MBD1: variants seen among roughly 807,000 people sequenced by gnomAD.
The protein encoded by MBD1 is methyl-CpG-binding domain protein 1.
In MBD1, 25 loss-of-function variants were observed where a neutral mutation model predicts 82.6. The ratio of observed to expected loss-of-function variants is 0.30; its 90% confidence interval spans 0.22 to 0.42. MBD1 has a LOEUF of 0.42. MBD1 is among the 10% of genes least tolerant of loss of function. The pLI is 1.00. For synonymous variants in MBD1, 301 were observed against 303.7 expected, an observed-to-expected ratio of 0.99 and a Z score of 0.09; for missense variants, 627 against 819.6, an observed-to-expected ratio of 0.76 and a Z score of 2.87.
At chr18:50,276,608 T>C (rs1253489922) in intron 5 of MBD1, 54 bp downstream of exon 5, 3 of 1,582,886 alleles carry the variant, frequency 1.9e-6, no homozygotes, top group Non-Finnish European at 2.6e-6. Flanking sequence ...AGCATGACAC[T>C]GGACCTGCTC....
downstream of MBD1, chr18:50,267,759 C>T (rs942457961): frequency 2.1e-4 from 161 of 776,784 alleles, no homozygotes; most frequent in Admixed American, 6.0e-5. Context: ...TCAGTACCTA[C>T]GTCAAACTGA....
rs1425965352 is a variant in MBD1 at position 50,281,494 on chromosome 18, C to T, written c.-157G>A. ...GCGGCCGCCTCCTCTGAAGCGGTAG[C>T]TGTCGCCTCCGCGGCTGTTCGTTGC... On this transcript the variant is annotated 5_prime_UTR_variant, in exon 1 of 17. Coordinates refer to ENST00000269468, the MANE Select transcript of MBD1 (RefSeq NM_015846.4). 1.7e-6 allele frequency: 1 copy of T among 583,642 alleles called. No homozygotes were observed. Among genetic ancestry groups the T allele is most frequent in the African/African-American group, 1.9e-5 (1 of 53,566 alleles). 36.2% of individuals were successfully genotyped at this position (583,642 alleles called of 1,614,324 possible).
intron 16 of MBD1, chr18:50,271,257 GGGA>G (rs1163681260): frequency 3.5e-6 from 5 of 1,416,260 alleles, no homozygotes; most frequent in Middle Eastern, 2.6e-4. Context: ...CAGGCTCTTG[GGGA>G]GGAGAAGATG....
intron 13 of MBD1, 92 bp downstream of exon 13, chr18:50,273,242 G>C: frequency 6.5e-7 from 1 of 1,537,378 alleles, no homozygotes; most frequent in Non-Finnish European, 8.8e-7. Flanking sequence ...CACATCTATT[G>C]CTCTGCTCAA....
Position 50,273,476 on chromosome 18 carries a change from G to A in MBD1, c.1447-5C>T, listed in dbSNP as rs772959180. 3.4e-5 allele frequency: 55 copies of A among 1,614,020 alleles called. No individual in the cohort carries two copies. The South Asian group carries it at 5.3e-4, about 15-fold the overall frequency. On this transcript the variant is annotated splice_polypyrimidine_tract_variant and splice_region_variant and intron_variant, in intron 12 of 16. Coordinates refer to ENST00000269468, the MANE Select transcript of MBD1 (RefSeq NM_015846.4). ...CAGGCCAGAGCACTGGGCCTCCTGC[G>A]TGAGGGAGGATTGCAGCAGACTTGG...
intron 15 of MBD1, chr18:50,272,432 T>C (rs891866504): frequency 5.4e-6 from 3 of 559,328 alleles, no homozygotes; most frequent in African/African-American, 1.9e-5. Flanking sequence ...AATCTCATGA[T>C]AGAGTACCAA....
chr18:50,273,007 GAA>G, intron 13 of MBD1, 52 bp from the exon 14 acceptor site: 1 of 1,610,914 alleles, frequency 6.2e-7, no homozygotes, highest in East Asian at 2.2e-5. Context: ...TTCACCTGAG[GAA>G]AGTCTCTATC....
At position 50,275,148 on chromosome 18, in the gene MBD1, G is replaced by C; in HGVS notation, c.890C>G (p.Ser297Cys). Reference protein sequence around the residue: ...QPLPPPPPSQSPEPTEPHPRA... With the variant: ...QPLPPPPPSQCPEPTEPHPRA... ...CCTCACCGGCTCTGTGGGCTCTGGGGACTGTGATGGGGGTGGTGGAGGCAG... is the reference window on the plus strand; with the variant it reads ...CCTCACCGGCTCTGTGGGCTCTGGGCACTGTGATGGGGGTGGTGGAGGCAG... Residue 297 changes from serine to cysteine, a missense_variant, in exon 9 of 17, where the codon TCC (serine) becomes TGC (cysteine). This residue lies in a region of MBD1 where 228 missense variants were observed against 318.1 expected (regional missense o/e 0.72). Coordinates refer to ENST00000269468, the MANE Select transcript of MBD1 (RefSeq NM_015846.4). The C allele has an allele frequency of 6.2e-7, 1 of 1,614,168 alleles. No individual in the cohort carries two copies.
chr18:50,280,121 C>G, intron 1 of MBD1, 104 bp from the exon 2 acceptor site: 1 of 1,169,630 alleles, frequency 8.5e-7, no homozygotes, highest in East Asian at 2.6e-5. Context: ...CTTGCCCAAG[C>G]CCTAGGACCT....
chr18:50,275,767 A>G, intron 7 of MBD1, 39 bp from the exon 8 acceptor site: 7 of 1,614,136 alleles, frequency 4.3e-6, no homozygotes, highest in Non-Finnish European at 5.9e-6. Flanking sequence ...GGCATGAAGC[A>G]TGGGGCCAAG....
rs746736347 is a variant in MBD1 at position 50,275,997 on chromosome 18, G to C, written c.517-16C>G. On this transcript the variant is annotated splice_polypyrimidine_tract_variant and intron_variant, in intron 6 of 16. Transcript: ENST00000269468. ...AGCCCACACGCTGCCAGGAATGGTA[G>C]GGACGAGATCACGGGCCTGCTCCAG... The C allele has an allele frequency of 1.3e-5, 21 of 1,609,444 alleles. No individual in the cohort carries two copies. The South Asian group carries it at 1.5e-4, about 12-fold the overall frequency.
chr18:50,267,044 CCA>C (rs538894658), downstream of MBD1: 26 of 156,452 alleles, frequency 1.7e-4, no homozygotes, highest in South Asian at 4.7e-3. Context: ...GCCTCAGCCT[CCA>C]GAGTATCTGG....
chr18:50,277,432 C>T (rs1026957136), intron 2 of MBD1, among the ~76,000 whole-genome samples: 10 of 151,646 alleles, frequency 6.6e-5, no homozygotes, highest in Admixed American at 6.6e-4. Context: ...AACATATTTA[C>T]AACATATAAT....
Position 50,273,351 on chromosome 18 carries a change from G to C in MBD1, c.1567C>G (p.Pro523Ala), listed in dbSNP as rs2036435731. Residue 523 changes from proline to alanine, a missense_variant, in exon 13 of 17, where the codon CCT (proline) becomes GCT (alanine). By Grantham distance (27) the Pro-to-Ala change is conservative. Around this residue, in one of 6 missense-constraint regions of MBD1, gnomAD observed 265 missense variants for 278.4 expected, o/e 0.95. Transcript: ENST00000269468. Reference protein sequence around the residue: ...TAVLTSPVLVPGCPSKAVDPG... With the variant: ...TAVLTSPVLVAGCPSKAVDPG... ...GCCCCCACCTTGCTAGGGCAGCCAG[G>C]CACCAATACGGGAGAAGTCAGGACA... is the stretch of plus-strand genomic sequence containing the variant. 12 of 1,614,164 alleles carry C rather than the reference G, an allele frequency of 7.4e-6. No individual in the cohort carries two copies. Among genetic ancestry groups the C allele is most frequent in the Non-Finnish European group, 1.0e-5 (12 of 1,180,036 alleles).
downstream of MBD1, among the ~76,000 whole-genome samples, chr18:50,268,245 C>A (rs962327325): frequency 1.3e-5 from 2 of 152,310 alleles, no homozygotes; most frequent in Non-Finnish European, 2.9e-5. Flanking sequence ...GGAAAATCGG[C>A]GCAGATTCGG....
chr18:50,276,435 G>A lies in MBD1; in HGVS notation c.476-17C>T. 2 of 1,613,834 alleles carry A rather than the reference G, an allele frequency of 1.2e-6. No homozygotes were observed. Among genetic ancestry groups the A allele is most frequent in the Non-Finnish European group, 1.7e-6 (2 of 1,179,772 alleles). On this transcript the variant is annotated splice_polypyrimidine_tract_variant and intron_variant, in intron 5 of 16. Coordinates refer to ENST00000269468, the MANE Select transcript of MBD1 (RefSeq NM_015846.4). ...TTCTCTGTGCTGTGGGGAGGAAGAG[G>A]GAAGAAGAAAAGTGGAAAGGAAGCA...
chr18:50,272,595 C>T, intron 15 of MBD1, 82 bp downstream of exon 15: 1 of 1,511,406 alleles, frequency 6.6e-7, no homozygotes. Flanking sequence ...CCATGCCAAA[C>T]TGCCGGCTAT....
At chr18:50,273,156 G>A in intron 13 of MBD1, 178 bp downstream of exon 13, 1 of 1,219,958 alleles carries the variant, frequency 8.2e-7, no homozygotes, top group Non-Finnish European at 1.2e-6. Flanking sequence ...TAGCAAAGCG[G>A]GCAAAGCTAG....
At chr18:50,274,913 T>A in intron 10 of MBD1, 64 bp downstream of exon 10, 1 of 1,549,770 alleles carries the variant, frequency 6.5e-7, no homozygotes, top group Non-Finnish European at 8.9e-7. Flanking sequence ...CAGCATCTGC[T>A]TCTTTGAAGT....
Sources: gnomAD v4.1 joint callset for allele counts (sites outside exome capture counted in the v4.1 genomes callset) on GRCh38, gnomAD v4.1.1 for gene constraint, gnomAD v4.1.1 regional missense constraint, MANE v1.5 for transcripts, NCBI Gene and HGNC (gene_info 2026-07-23, HGNC 2026-07-21) for gene names.